The following FUT8 variants were observed in gnomAD, a reference collection of about 807,000 sequenced individuals.
FUT8 encodes the protein alpha-(1,6)-fucosyltransferase.
A neutral mutation model predicts 71.3 loss-of-function variants in FUT8; 29 were observed. The ratio of observed to expected loss-of-function variants is 0.41; its 90% confidence interval spans 0.30 to 0.55. FUT8 has a LOEUF of 0.55. FUT8 is among the 20% of genes least tolerant of loss of function. The probability of loss-of-function intolerance (pLI) is 0.34; values close to 1 mark genes in which losing one functional copy is unlikely to be tolerated. For missense variants in FUT8, 544 were observed against 702.1 expected, an observed-to-expected ratio of 0.77 and a Z score of 2.55; for synonymous variants, 254 against 239.3, an observed-to-expected ratio of 1.06 and a Z score of -0.57.
intron 2 of FUT8, among the ~76,000 whole-genome samples, chr14:65,462,011 TG>T (rs1225419566): frequency 6.6e-6 from 1 of 152,204 alleles, no homozygotes; most frequent in Non-Finnish European, 1.5e-5. Flanking sequence ...GTGGGACTAT[TG>T]GGTTTGTTTC....
chr14:65,470,999 T>G (rs1442912305), intron 2 of FUT8: 6 of 427,510 alleles, frequency 1.4e-5, no homozygotes, highest in African/African-American at 4.2e-5. Flanking sequence ...ATCTGCCCTG[T>G]TGTCTTTGGG....
At chr14:65,519,277 A>G (rs936132737) in intron 2 of FUT8, among the ~76,000 whole-genome samples, 12 of 152,228 alleles carry the variant, frequency 7.9e-5, no homozygotes, top group African/African-American at 2.7e-4. Flanking sequence ...ATGGTAATAC[A>G]TAGAATGTAG....
chr14:65,599,633 T>C (rs140548927), intron 3 of FUT8, among the ~76,000 whole-genome samples: 4 of 152,320 alleles, frequency 2.6e-5, no homozygotes, highest in Non-Finnish European at 4.4e-5. Flanking sequence ...AGAGATACTC[T>C]TTGGTATGCA....
chr14:65,617,251 C>G (rs1889335317), intron 5 of FUT8: 2 of 1,451,320 alleles, frequency 1.4e-6, no homozygotes, highest in Admixed American at 2.8e-5. Flanking sequence ...TGAAAAATTG[C>G]TTGGTTGTTT....
chr14:65,511,109 A>G (rs76575003), intron 2 of FUT8, among the ~76,000 whole-genome samples: 9,343 of 151,912 alleles, frequency 0.062, 499 homozygotes, highest in South Asian at 0.19. Flanking sequence ...TTATGTTTCC[A>G]TTATCATTTG....
chr14:65,551,702 T>A (rs1442699762), intron 2 of FUT8, among the ~76,000 whole-genome samples: 2 of 152,142 alleles, frequency 1.3e-5, no homozygotes, highest in African/African-American at 4.8e-5. Context: ...GCTTTTTGTA[T>A]GTAAAACATG....
intron 2 of FUT8, among the ~76,000 whole-genome samples, chr14:65,508,487 T>A (rs1307285130): frequency 7.0e-6 from 1 of 142,750 alleles, no homozygotes; most frequent in Non-Finnish European, 1.5e-5. Context: ...GTAGAGTTGT[T>A]TGAGTTTTTT....
chr14:65,408,630 A>G (rs192168508), upstream of FUT8, among the ~76,000 whole-genome samples: 22 of 152,362 alleles, frequency 1.4e-4, no homozygotes, highest in Admixed American at 1.2e-3. Context: ...TTAGAAATCA[A>G]TAGTGTGAAC....
chr14:65,531,189 T>C (rs570545313), intron 2 of FUT8, among the ~76,000 whole-genome samples: 86 of 151,984 alleles, frequency 5.7e-4, no homozygotes, highest in African/African-American at 1.8e-3. Flanking sequence ...AAAAATTTTT[T>C]TCGAAAGGAT....
intron 1 of FUT8, among the ~76,000 whole-genome samples, chr14:65,451,019 G>A (rs560626461): frequency 3.3e-5 from 5 of 152,178 alleles, no homozygotes; most frequent in East Asian, 1.9e-4. Flanking sequence ...ACCGCACCCC[G>A]CTAATTTTTT....
intron 2 of FUT8, among the ~76,000 whole-genome samples, chr14:65,469,627 A>C (rs1332485051): frequency 1.3e-5 from 2 of 152,204 alleles, no homozygotes; most frequent in Non-Finnish European, 2.9e-5. Flanking sequence ...AGAGCTGCAG[A>C]GGGCAGCCCC....
intron 7 of FUT8, among the ~76,000 whole-genome samples, chr14:65,709,439 C>T (rs1894711683): frequency 6.6e-6 from 1 of 152,048 alleles, no homozygotes; most frequent in Non-Finnish European, 1.5e-5. Flanking sequence ...AAGAAAGTTA[C>T]TCCTTTTTCA....
chr14:65,556,622 C>T (rs767020772), intron 2 of FUT8, among the ~76,000 whole-genome samples: 2 of 152,156 alleles, frequency 1.3e-5, no homozygotes, highest in African/African-American at 2.4e-5. Flanking sequence ...AAACAAGTCA[C>T]TAGGTGCAGC....
At chr14:65,640,141 A>G (rs944287482) in intron 6 of FUT8, among the ~76,000 whole-genome samples, 2 of 152,096 alleles carry the variant, frequency 1.3e-5, no homozygotes, top group African/African-American at 4.8e-5. Context: ...AAATAAAGCA[A>G]TAAAGAAATA....
At chr14:65,409,858 T>G (rs2065104258), upstream of FUT8, among the ~76,000 whole-genome samples, 1 of 152,230 alleles carries the variant, frequency 6.6e-6, no homozygotes, top group Non-Finnish European at 1.5e-5. The surrounding 1 kb of genome is among the most constrained non-coding windows in gnomAD (Gnocchi z 5.4). Context: ...TGAACAGAAC[T>G]TGTCTTTAAC....
chr14:65,683,617 A>G (rs1196458331), intron 7 of FUT8, among the ~76,000 whole-genome samples: 1 of 152,218 alleles, frequency 6.6e-6, no homozygotes, highest in Non-Finnish European at 1.5e-5. Flanking sequence ...TTCTGCCAAC[A>G]TAATTAAGAA....
intron 6 of FUT8, among the ~76,000 whole-genome samples, chr14:65,661,280 T>A (rs1891949294): frequency 6.6e-6 from 1 of 151,848 alleles, no homozygotes; most frequent in Non-Finnish European, 1.5e-5. Flanking sequence ...GTGAAATCGA[T>A]AAGGGCAGTG....
chr14:65,587,750 C>A (rs915008279), intron 3 of FUT8, among the ~76,000 whole-genome samples: 3 of 152,148 alleles, frequency 2.0e-5, no homozygotes, highest in Non-Finnish European at 4.4e-5. Flanking sequence ...TGAATGTATG[C>A]ATGCCTGATT....
At chr14:65,468,174 A>G (rs1405693498) in intron 2 of FUT8, 2 of 637,050 alleles carry the variant, frequency 3.1e-6, no homozygotes, top group African/African-American at 1.8e-5. Flanking sequence ...TTTTGCCATG[A>G]TAACACTCGC....
Sources: allele counts gnomAD v4.1 joint callset (sites outside exome capture counted in the v4.1 genomes callset), GRCh38; gene constraint gnomAD v4.1.1; non-coding constraint Gnocchi (gnomAD v3.1); transcripts MANE v1.5; gene names NCBI Gene and HGNC (gene_info 2026-07-23, HGNC 2026-07-21).